The following SGCZ variants were observed in gnomAD, a reference collection of about 807,000 sequenced individuals.
The protein encoded by SGCZ is sarcoglycan zeta.
Under a neutral mutation model 41.3 loss-of-function variants are expected in SGCZ, and 40 were observed. The ratio of observed to expected loss-of-function variants is 0.97; its 90% CI spans 0.75 to 1.26. The LOEUF is 1.26. SGCZ is among the 50% of genes most tolerant of loss of function. The pLI, the probability that SGCZ is intolerant of heterozygous loss-of-function variation, is 0.00. For synonymous variants in SGCZ, 206 were observed against 137.5 expected (o/e 1.50, Z -3.49); for missense variants, 552 against 369.8 (o/e 1.49, Z -4.04).
intron 5 of SGCZ, among the ~76,000 whole-genome samples, chr8:14,140,173 A>C (rs1300797400): frequency 2.6e-5 from 4 of 152,214 alleles, no homozygotes; most frequent in Non-Finnish European, 4.4e-5. Context: ...AACGTATCTC[A>C]AAATAATAAG....
intron 2 of SGCZ, among the ~76,000 whole-genome samples, chr8:14,338,782 A>G (rs570679286): frequency 6.6e-6 from 1 of 152,266 alleles, no homozygotes; most frequent in South Asian, 2.1e-4. Context: ...GGGGTTTTAA[A>G]TTGCCAATTT....
chr8:14,125,327 C>A (rs1220912682), intron 5 of SGCZ, among the ~76,000 whole-genome samples: 1 of 152,050 alleles, frequency 6.6e-6, no homozygotes, highest in African/African-American at 2.4e-5. Flanking sequence ...CATGGTGAAA[C>A]CCCGTCTTTA....
At chr8:14,977,208 C>T (rs1021462673) in intron 1 of SGCZ, among the ~76,000 whole-genome samples, 1 of 151,846 alleles carries the variant, frequency 6.6e-6, no homozygotes, top group African/African-American at 2.4e-5. Context: ...GGCGCTATGT[C>T]TTCTTCACAG....
chr8:14,107,001 G>A (rs1416840881), intron 6 of SGCZ, among the ~76,000 whole-genome samples: 5 of 152,148 alleles, frequency 3.3e-5, no homozygotes, highest in African/African-American at 1.2e-4. Context: ...CGGATCAGAA[G>A]GTCAGGAGAT....
chr8:14,634,194 A>C (rs116740512), intron 1 of SGCZ, among the ~76,000 whole-genome samples: 2 of 151,894 alleles, frequency 1.3e-5, no homozygotes, highest in South Asian at 2.1e-4. Flanking sequence ...ATTTTTATCA[A>C]TTTGACACAG....
chr8:14,757,339 G>A (rs895559686), intron 1 of SGCZ, among the ~76,000 whole-genome samples: 25 of 152,204 alleles, frequency 1.6e-4, no homozygotes, highest in African/African-American at 5.3e-4. Context: ...GTGAGCCACC[G>A]TGCCCAGCTT....
intron 4 of SGCZ, among the ~76,000 whole-genome samples, chr8:14,218,224 T>A (rs1293127875): frequency 6.6e-6 from 1 of 152,166 alleles, no homozygotes; most frequent in Non-Finnish European, 1.5e-5. Context: ...ACATACAAAT[T>A]ATTAAAATGT....
In SGCZ at chr8:14,205,904, A is replaced by G. The variant is rs145188689; in HGVS notation, c.424+31688T>C. On this transcript the variant is annotated intron_variant, in intron 4 of 7. Coordinates refer to ENST00000382080, the MANE Select transcript of SGCZ (RefSeq NM_139167.4). ...CAAATTACCCAAGTTTTCTCATAAG[A>G]ATCATAGGGCATTTTTCTCTATTTT... Among the ~76,000 whole-genome samples, 340 of 152,248 alleles carry G rather than the reference A, an allele frequency of 2.2e-3. 1 individual carries two copies. Among genetic ancestry groups the G allele is most frequent in the African/African-American group, 6.9e-3 (285 of 41,562 alleles).
At chr8:14,413,466 G>T (rs188282216) in intron 2 of SGCZ, among the ~76,000 whole-genome samples, 1 of 151,664 alleles carries the variant, frequency 6.6e-6, no homozygotes, top group Non-Finnish European at 1.5e-5. Context: ...GATTTCTGTC[G>T]TAAGTGGATT....
At chr8:15,079,522 T>C (rs1805665433) in intron 1 of SGCZ, among the ~76,000 whole-genome samples, 1 of 152,236 alleles carries the variant, frequency 6.6e-6, no homozygotes, top group South Asian at 2.1e-4. Context: ...TAAGTTTGCC[T>C]TGAGAATTTA....
At chr8:14,499,965 C>T (rs892853340) in intron 2 of SGCZ, among the ~76,000 whole-genome samples, 15 of 152,022 alleles carry the variant, frequency 9.9e-5, no homozygotes, top group Admixed American at 8.5e-4. Flanking sequence ...CTACCACCTA[C>T]TGTCTTACAA....
intron 2 of SGCZ, among the ~76,000 whole-genome samples, chr8:14,412,810 T>G (rs1205373355): frequency 6.6e-6 from 1 of 152,048 alleles, no homozygotes; most frequent in Non-Finnish European, 1.5e-5. Flanking sequence ...GGCATAACTT[T>G]AATTAAAATA....
intron 5 of SGCZ, among the ~76,000 whole-genome samples, chr8:14,114,009 C>T (rs1802449326): frequency 6.6e-6 from 1 of 151,942 alleles, no homozygotes; most frequent in Non-Finnish European, 1.5e-5. Flanking sequence ...GCTTCTCCTT[C>T]TGCCCAGTTG....
intron 1 of SGCZ, among the ~76,000 whole-genome samples, chr8:14,992,735 C>G (rs1013526119): frequency 8.1e-6 from 1 of 122,846 alleles, no homozygotes; most frequent in African/African-American, 3.5e-5. Context: ...CTCCCAAAAC[C>G]AGTGTTCCCC....
intron 1 of SGCZ, among the ~76,000 whole-genome samples, chr8:14,588,255 G>A (rs1240390652): frequency 2.0e-5 from 3 of 150,822 alleles, no homozygotes; most frequent in Non-Finnish European, 2.9e-5. Context: ...TGTCTTTAAA[G>A]GAGTGGATTT....
chr8:14,187,108 C>CTG (rs1804932175), intron 4 of SGCZ, among the ~76,000 whole-genome samples: 3 of 152,268 alleles, frequency 2.0e-5, no homozygotes, highest in Middle Eastern at 3.4e-3. Context: ...ATGCCTAAGA[C>CTG]TGTACCCTCT....
At chr8:14,223,907 GAA>G (rs1284161346) in intron 4 of SGCZ, among the ~76,000 whole-genome samples, 5 of 152,242 alleles carry the variant, frequency 3.3e-5, no homozygotes, top group African/African-American at 7.2e-5. Context: ...CCAGTAATGT[GAA>G]AAGAGTTTCA....
At chr8:14,671,029 T>C (rs1375902353) in intron 1 of SGCZ, among the ~76,000 whole-genome samples, 1 of 152,218 alleles carries the variant, frequency 6.6e-6, no homozygotes, top group East Asian at 1.9e-4. Flanking sequence ...CTTGGTGTGC[T>C]GAAGCTTTGG....
intron 1 of SGCZ, among the ~76,000 whole-genome samples, chr8:14,665,407 T>C (rs1002741051): frequency 3.9e-5 from 6 of 152,328 alleles, no homozygotes; most frequent in African/African-American, 1.2e-4. Context: ...TAATCCAGTC[T>C]ATCATTGTTG....
Sources: gnomAD v4.1 joint callset for allele counts (sites outside exome capture counted in the v4.1 genomes callset) on GRCh38, gnomAD v4.1.1 for gene constraint, MANE v1.5 for transcripts, NCBI Gene and HGNC (gene_info 2026-07-23, HGNC 2026-07-21) for gene names.